The following HCFC2 variants were observed in gnomAD, a reference collection of about 807,000 sequenced individuals.
The protein encoded by HCFC2 is host cell factor C2.
HCFC2 carries 18 observed loss-of-function variants against 89.2 expected under a neutral mutation model. The observed-to-expected ratio is 0.20, with a 90% confidence interval of 0.14 to 0.30. The LOEUF is 0.30. Ranked by LOEUF, HCFC2 falls within the 10% of genes least tolerant of loss-of-function variation. HCFC2 has a pLI of 1.00. For synonymous variants in HCFC2, 308 were observed against 335.7 expected, an observed-to-expected ratio of 0.92 and a Z score of 0.90; for missense variants, 578 against 956.1, an observed-to-expected ratio of 0.60 and a Z score of 5.21.
rs1295505110 is a variant in HCFC2 at position 104,064,759 on chromosome 12, G to A, written c.163+36G>A. ...CGGCGGCTCGTCGGCCCCGCCTGCT[G>A]GAGCTGCGGAGGGGGAGGGGAGGCG... On this transcript the variant is annotated intron_variant, in intron 1 of 14. Coordinates refer to ENST00000229330, the MANE Select transcript of HCFC2 (RefSeq NM_013320.3). The surrounding 1 kb of genome is among the most constrained non-coding windows in gnomAD (Gnocchi z 7.3). 2 of 1,534,966 alleles carry A rather than the reference G, an allele frequency of 1.3e-6. No homozygotes were observed. The highest frequency in any genetic ancestry group is 1.7e-6 in the Non-Finnish European group (2 of 1,143,092).
intron 9 of HCFC2, 66 bp from the exon 10 acceptor site, chr12:104,093,320 T>A: frequency 8.8e-7 from 1 of 1,142,326 alleles, no homozygotes; most frequent in Non-Finnish European, 1.2e-6. Context: ...ATTTTGCTTG[T>A]TTTTTACATG....
In HCFC2 at chr12:104,067,951, G is replaced by T; in HGVS notation, c.317G>T (p.Ser106Ile). 2.5e-6 allele frequency: 4 copies of T among 1,571,460 alleles called. No homozygotes were observed. Among genetic ancestry groups the T allele is most frequent in the Admixed American group, 2.0e-5 (1 of 49,402 alleles). Residue 106 changes from serine (S) to isoleucine (I), a missense_variant, in exon 3 of 15, where the codon AGT becomes ATT. Physicochemically the swap from Ser to Ile is moderately radical, Grantham distance 142. Around this residue, in one of 4 missense-constraint regions of HCFC2, gnomAD observed 206 missense variants for 419.2 expected, o/e 0.49. Transcript: ENST00000229330. Reference sequence around the variant, plus strand: ...TTGTGCCCTTTTTTTTTTTAGGCAAGTCGTTGGTTATGGAAAAAAGTGAAA... The same window carrying T: ...TTGTGCCCTTTTTTTTTTTAGGCAATTCGTTGGTTATGGAAAAAAGTGAAA... ...YSNELYELQA[S>I]RWLWKKVKPH... is the part of the protein sequence containing the mutation.
At chr12:104,074,826 G>A (rs953019241) in intron 3 of HCFC2, among the ~76,000 whole-genome samples, 1 of 152,016 alleles carries the variant, frequency 6.6e-6, no homozygotes, top group East Asian at 1.9e-4. Context: ...TGTAATCAGG[G>A]TTATGTTCTG....
At chr12:104,093,807 A>G (rs200954514) in intron 10 of HCFC2, among the ~76,000 whole-genome samples, 1 of 151,002 alleles carries the variant, frequency 6.6e-6, no homozygotes, top group East Asian at 1.9e-4. Flanking sequence ...TAGCCTCTCC[A>G]TCAGGAAGAA....
chr12:104,072,788 G>A lies in HCFC2; in HGVS notation c.473+4681G>A, dbSNP rs187205693. ...CTCCCGAGTAGCTGGGACTACAGGC[G>A]CCCGCCACCATGCCCAGCTAATTTT... On this transcript the variant is annotated intron_variant, in intron 3 of 14. Transcript: ENST00000229330. 2.1e-3 allele frequency among the ~76,000 whole-genome samples: 312 copies of A among 151,098 alleles called. 1 individual carries two copies. The highest frequency in any genetic ancestry group is 6.0e-3 in the African/African-American group (248 of 41,160).
At chr12:104,072,937 C>T (rs936123541) in intron 3 of HCFC2, among the ~76,000 whole-genome samples, 2 of 151,974 alleles carry the variant, frequency 1.3e-5, no homozygotes, top group Non-Finnish European at 2.9e-5. Context: ...AGCCACCGCA[C>T]CCGGCCGATT....
chr12:104,092,269 C>T (rs998807978), intron 9 of HCFC2, among the ~76,000 whole-genome samples: 3 of 152,062 alleles, frequency 2.0e-5, no homozygotes, highest in Admixed American at 6.6e-5. Flanking sequence ...AGTTCAAGAC[C>T]AGCCTTGACA....
chr12:104,081,130 A>C (rs1240448722), intron 5 of HCFC2, among the ~76,000 whole-genome samples: 1 of 152,056 alleles, frequency 6.6e-6, no homozygotes, highest in South Asian at 2.1e-4. Context: ...TTCCTTTTTC[A>C]TATTTTTGGT....
intron 9 of HCFC2, chr12:104,090,777 C>T (rs1884000389): frequency 6.6e-6 from 1 of 151,062 alleles, no homozygotes; most frequent in Non-Finnish European, 1.5e-5. Context: ...TGTGTTTTAA[C>T]CTTGGACTTC....
At chr12:104,079,360 A>G in intron 3 of HCFC2, 85 bp from the exon 4 acceptor site, 2 of 1,098,832 alleles carry the variant, frequency 1.8e-6, no homozygotes, top group Non-Finnish European at 2.6e-6. Context: ...CACAGTAAGC[A>G]CATTTTATCT....
chr12:104,098,370 A>G lies in HCFC2; in HGVS notation c.1768A>G (p.Thr590Ala). The G allele has an allele frequency of 1.2e-6, 2 of 1,608,936 alleles. No individual in the cohort carries two copies. The highest frequency in any genetic ancestry group is 1.7e-6 in the Non-Finnish European group (2 of 1,178,712). ...SKETPSNPVA[T>A]VKAGERQWCD... The stretch of plus-strand genomic sequence containing the variant: ...AGAGACTCCTTCAAATCCAGTGGCC[A>G]CAGTGAAAGCGGGAGAACGACAATG... Residue 590 changes from threonine to alanine, a missense_variant, in exon 13 of 15, where the codon ACA becomes GCA. By Grantham distance (58) the Thr-to-Ala change is moderately conservative (BLOSUM62 0). Coordinates refer to ENST00000229330, the MANE Select transcript of HCFC2 (RefSeq NM_013320.3).
rs1883388442 is a variant in HCFC2, at chr12:104,073,211, C to T, written c.473+5104C>T. 4.8e-5 allele frequency among the ~76,000 whole-genome samples: 7 copies of T among 147,000 alleles called. 1 individual carries two copies. In the South Asian group the frequency reaches 1.5e-3, roughly 32 times the overall value. ...ACGGAGTCTAGCTGCATCGCCGAGG[C>T]TGGAGTGCAGTGGAGCGATCTCGGC... On this transcript the variant is annotated intron_variant, in intron 3 of 14. Transcript: ENST00000229330.
At chr12:104,071,424 A>G (rs1415528037) in intron 3 of HCFC2, among the ~76,000 whole-genome samples, 2 of 152,242 alleles carry the variant, frequency 1.3e-5, no homozygotes, top group African/African-American at 4.8e-5. Context: ...TTTAAAGCCT[A>G]TGTTTAAAGC....
chr12:104,067,046 C>T (rs1883171778), intron 2 of HCFC2, among the ~76,000 whole-genome samples: 2 of 152,264 alleles, frequency 1.3e-5, no homozygotes, highest in South Asian at 4.1e-4. Flanking sequence ...CCTGGGCCTC[C>T]CAAAGTGCTG....
intron 13 of HCFC2, among the ~76,000 whole-genome samples, chr12:104,099,498 G>T (rs1884276454): frequency 1.3e-5 from 2 of 152,112 alleles, no homozygotes; most frequent in Admixed American, 1.3e-4. Context: ...CTACTCAGGA[G>T]GCTGAGTCAG....
intron 3 of HCFC2, among the ~76,000 whole-genome samples, chr12:104,072,682 G>A (rs1432783333): frequency 1.3e-5 from 2 of 150,308 alleles, no homozygotes; most frequent in Non-Finnish European, 1.5e-5. Flanking sequence ...TCGCTCTGTC[G>A]CCCAGGCTGG....
At chr12:104,096,216 GA>G (rs1319472815) in intron 11 of HCFC2, 143 bp from the exon 12 acceptor site, 2 of 486,320 alleles carry the variant, frequency 4.1e-6, no homozygotes, top group Middle Eastern at 1.1e-3. Context: ...TTTTTATTGT[GA>G]TAAAATACAT....
intron 8 of HCFC2, among the ~76,000 whole-genome samples, chr12:104,087,706 G>A (rs1883910627): frequency 6.6e-6 from 1 of 151,800 alleles, no homozygotes; most frequent in African/African-American, 2.4e-5. Flanking sequence ...TGACATATTA[G>A]TTGACTTCAG....
intron 3 of HCFC2, among the ~76,000 whole-genome samples, chr12:104,072,469 A>G (rs1365220455): frequency 2.0e-5 from 3 of 152,156 alleles, no homozygotes; most frequent in Non-Finnish European, 4.4e-5. Flanking sequence ...TCACCATCTT[A>G]ATAATATTGG....
Sources: gnomAD v4.1 joint callset for allele counts (sites outside exome capture counted in the v4.1 genomes callset) on GRCh38, gnomAD v4.1.1 for gene constraint, gnomAD v4.1.1 regional missense constraint, Gnocchi (gnomAD v3.1) non-coding constraint, MANE v1.5 for transcripts, NCBI Gene and HGNC (gene_info 2026-07-23, HGNC 2026-07-21) for gene names.